NEB: variants seen among roughly 807,000 people sequenced by gnomAD.
NEB encodes nebulin.
A neutral mutation model predicts 952.2 loss-of-function variants in NEB; 512 were observed. The ratio of observed to expected loss-of-function variants is 0.54; its 90% confidence interval spans 0.50 to 0.58. NEB has a LOEUF of 0.58. Among genes scored for constraint, NEB ranks in the 20% least tolerant of loss-of-function variants. NEB has a pLI of 0.00. For synonymous variants in NEB, 2,900 were observed against 3,149.8 expected, an observed-to-expected ratio of 0.92 and a Z score of 2.66; for missense variants, 8,428 against 9,231.1, an observed-to-expected ratio of 0.91 and a Z score of 3.56.
rs1415688847 is a variant in NEB at position 151,620,343 on chromosome 2, GTGTGTATATATATATATATA to G, written c.10560+556_10560+575del. On this transcript the variant is annotated intron_variant, in intron 72 of 181. Coordinates refer to ENST00000397345, the MANE Select transcript of NEB (RefSeq NM_001164508.2). ...AATTTTATTATATATATATGTATGT[GTGTGTATATATATATATATA>G]TATATATATATATATATATATATAT... Among the ~76,000 whole-genome samples the G allele has an allele frequency of 3.6e-3, 176 of 48,898 alleles. 1 individual carries two copies. Among genetic ancestry groups the G allele is most frequent in the African/African-American group, 9.8e-3 (164 of 16,694 alleles). The allele number at this position is 48,898 out of a possible 152,430, so 32.1% of individuals were successfully genotyped here.
intron 67 of NEB, 132 bp downstream of exon 67, chr2:151,630,583 A>T (rs1268145054): frequency 1.5e-6 from 1 of 661,458 alleles, no homozygotes; most frequent in African/African-American, 1.8e-5. Context: ...TAACCCAGAG[A>T]TGAAAGGTTG....
chr2:151,533,382 C>T lies in NEB; in HGVS notation c.21417+60G>A, dbSNP rs1438147576. Reference sequence around the variant, plus strand: ...GGAAGAGGAAATCAATGAAAGCATACAAGGGAATGCATCCAAGACTTCTTC... The same window carrying T: ...GGAAGAGGAAATCAATGAAAGCATATAAGGGAATGCATCCAAGACTTCTTC... On this transcript the variant is annotated intron_variant, in intron 143 of 181. Transcript: ENST00000397345. The T allele has an allele frequency of 7.2e-6, 8 of 1,105,544 alleles. No individual in the cohort carries two copies. In the East Asian group the frequency reaches 1.0e-4, roughly 14 times the overall value. The allele number at this position is 1,105,544 out of a possible 1,614,324, so 68.5% of individuals were successfully genotyped here. A position where few individuals can be genotyped will look rare whatever the true frequency, so the allele number is the denominator to read the frequency against.
chr2:151,636,295 C>A lies in NEB; in HGVS notation c.9034G>T (p.Gly3012Cys), dbSNP rs1190663426. The change falls in exon 64 of 182, where the codon GGC (glycine) becomes TGC (cysteine). Residue 3012 changes from glycine to cysteine, a missense_variant. Transcript: ENST00000397345. ...ATGGCGTCGCTTCGCAAGTCATAGC[C>A]TTTCTTCTTTGCTTCTTCATTAGCA... ...KLANEEAKKK[G>C]YDLRSDAIPI... The A allele has an allele frequency of 6.2e-7, 1 of 1,609,124 alleles. No homozygotes were observed. Among genetic ancestry groups the A allele is most frequent in the Non-Finnish European group, 8.5e-7 (1 of 1,179,700 alleles).
intron 153 of NEB, among the ~76,000 whole-genome samples, chr2:151,520,302 T>G (rs2081046387): frequency 6.6e-6 from 1 of 152,162 alleles, no homozygotes; most frequent in Admixed American, 6.6e-5. Context: ...GTATAACTCC[T>G]GAGTAAACAA....
intron 13 of NEB, among the ~76,000 whole-genome samples, chr2:151,698,904 A>G (rs1455386894): frequency 6.8e-6 from 1 of 147,296 alleles, no homozygotes; most frequent in Non-Finnish European, 1.5e-5. Flanking sequence ...GTTTTAGGGT[A>G]CATGTGCACA....
chr2:151,697,054 C>T, intron 16 of NEB, 94 bp downstream of exon 16: 1 of 938,840 alleles, frequency 1.1e-6, no homozygotes, highest in Non-Finnish European at 1.6e-6. Context: ...GCCTGGCTTA[C>T]ATTTATTTGT....
Position 151,696,752 on chromosome 2 carries a change from G to A in NEB, c.1471-17C>T. ...GTAGGTGTGCTGTGGGGAAGCAAAGGCATTTGGTTTAGTAGTATCACCTGT... is the reference window on the plus strand; with the variant it reads ...GTAGGTGTGCTGTGGGGAAGCAAAGACATTTGGTTTAGTAGTATCACCTGT... On this transcript the variant is annotated splice_polypyrimidine_tract_variant and intron_variant, in intron 16 of 181. Transcript: ENST00000397345. 1.0e-5 allele frequency: 16 copies of A among 1,603,854 alleles called. No homozygotes were observed. Among genetic ancestry groups the A allele is most frequent in the Non-Finnish European group, 1.2e-5 (14 of 1,171,052 alleles).
chr2:151,488,677 C>A (rs914061018), intron 181 of NEB, among the ~76,000 whole-genome samples: 24 of 151,888 alleles, frequency 1.6e-4, no homozygotes, highest in East Asian at 5.8e-4. Context: ...CTGTATTATT[C>A]TTTGTACTTC....
chr2:151,627,591 C>T lies in NEB; in HGVS notation c.10075G>A (p.Glu3359Lys), dbSNP rs374359052. The T allele has an allele frequency of 2.5e-5, 40 of 1,613,908 alleles. 1 individual carries two copies. In the South Asian group the frequency reaches 3.1e-4, roughly 12 times the overall value. The change falls in exon 69 of 182, where the codon GAG becomes AAG. Residue 3359 changes from glutamate to lysine, a missense_variant. Physicochemically the swap from Glu to Lys is moderately conservative, Grantham distance 56. Around this residue, in one of 11 missense-constraint regions of NEB, gnomAD observed 1,772 missense variants for 1,960.3 expected, o/e 0.90. Transcript: ENST00000397345. ...TTCTGGTCGGGCAGGCACGTCCACT[C>T]GTGCAGGTAGTTCTTGTAGTCCACA... ...SDVDYKNYLH[E>K]WTCLPDQNDV...
At chr2:151,681,209 C>A (rs182755140) in intron 29 of NEB, among the ~76,000 whole-genome samples, 2 of 152,314 alleles carry the variant, frequency 1.3e-5, no homozygotes, top group East Asian at 3.9e-4. Context: ...ATGGCACAAA[C>A]AAGTTCTCTT....
At chr2:151,707,716 C>A (rs2099717228) in intron 12 of NEB, among the ~76,000 whole-genome samples, 1 of 152,122 alleles carries the variant, frequency 6.6e-6, no homozygotes, top group South Asian at 2.1e-4. Flanking sequence ...CCACCATGAT[C>A]CCCAGTGTAA....
At chr2:151,725,675 T>C in intron 5 of NEB, 115 bp from the exon 6 acceptor site, 4 of 787,372 alleles carry the variant, frequency 5.1e-6, no homozygotes, top group Non-Finnish European at 8.2e-6. Context: ...TCAATTATAA[T>C]AGCTTTCTTT....
intron 173 of NEB, among the ~76,000 whole-genome samples, chr2:151,495,619 G>A (rs946990707): frequency 6.6e-6 from 1 of 151,996 alleles, no homozygotes; most frequent in Admixed American, 6.6e-5. Flanking sequence ...AAGCTTACGG[G>A]AAATGGTTTA....
chr2:151,568,042 C>T (rs1485220114), intron 113 of NEB, 29 bp downstream of exon 113: 1 of 1,576,644 alleles, frequency 6.3e-7, no homozygotes, highest in Non-Finnish European at 8.7e-7. Context: ...CCCACTTTTG[C>T]AAAATGCACT....
rs756856551 is a variant in NEB at position 151,733,186 on chromosome 2, CTT to C, written c.-29-3_-29-2del. ...CCAGAGTAGTAGTGGCACCTACAAACTTTTCATATTCCATACAAATGAAAACA... is the reference window on the plus strand; with the variant it reads ...CCAGAGTAGTAGTGGCACCTACAAACTTCATATTCCATACAAATGAAAACA... On this transcript the variant is annotated splice_acceptor_variant and splice_polypyrimidine_tract_variant and intron_variant, in intron 2 of 181. Coordinates refer to ENST00000397345, the MANE Select transcript of NEB (RefSeq NM_001164508.2). LOFTEE classifies it low-confidence loss of function (5UTR_SPLICE). 2.1e-5 allele frequency: 33 copies of C among 1,589,234 alleles called. No homozygotes were observed. In the South Asian group the frequency reaches 2.8e-4, roughly 14 times the overall value.
Position 151,672,510 on chromosome 2 carries a change from G to A in NEB, c.4158C>T (p.Asp1386=), listed in dbSNP as rs558022715. 6.2e-7 allele frequency: 1 copy of A among 1,613,988 alleles called. No homozygotes were observed. Among genetic ancestry groups the A allele is most frequent in the African/African-American group, 1.3e-5 (1 of 75,042 alleles). ...NTKTSYHTPG[D]MVSITAAKMA... ...TCTTTGCAGCTGTGATGCTAACCAT[G>A]TCCCCAGGGGTATGGTAGCTGGTTT... Residue 1386 remains aspartate, a synonymous_variant, in exon 37 of 182, where the codon GAC becomes GAT. Transcript: ENST00000397345.
At position 151,656,025 on chromosome 2, in the gene NEB, T is replaced by C. The variant is rs2099082448; in HGVS notation, c.6496-2A>G. The C allele has an allele frequency of 6.2e-7, 1 of 1,611,246 alleles. No homozygotes were observed. Among genetic ancestry groups the C allele is most frequent in the Non-Finnish European group, 8.5e-7 (1 of 1,177,860 alleles). On this transcript the variant is annotated splice_acceptor_variant, in intron 49 of 181. Transcript: ENST00000397345. LOFTEE classifies it high-confidence loss of function. Reference sequence around the variant, plus strand: ...ATTGTAATCTTGCTTATATTCATTCTATAAAGAAGATAAGCAAATTCTACT... The same window carrying C: ...ATTGTAATCTTGCTTATATTCATTCCATAAAGAAGATAAGCAAATTCTACT...
At position 151,694,359 on chromosome 2, in the gene NEB, C is replaced by A. The variant is rs764825407; in HGVS notation, c.1860G>T (p.Met620Ile). 1 of 1,614,052 alleles carries A rather than the reference C, an allele frequency of 6.2e-7. No homozygotes were observed. Among genetic ancestry groups the A allele is most frequent in the South Asian group, 1.1e-5 (1 of 91,080 alleles). ...TTTTGGCCACCTTCAAGGAGTGCAGCATCTTGGGATCGTCATTAATGCTGA... is the reference window on the plus strand; with the variant it reads ...TTTTGGCCACCTTCAAGGAGTGCAGAATCTTGGGATCGTCATTAATGCTGA... The part of the protein sequence containing the change: ...GVLSINDDPK[M>I]LHSLKVAKNQ... Residue 620 changes from methionine (M) to isoleucine (I), a missense_variant, in exon 20 of 182, where the codon ATG (methionine) becomes ATT (isoleucine). This residue lies in a region of NEB where 2,851 missense variants were observed against 2,791.5 expected (regional missense o/e 1.02). Transcript: ENST00000397345.
At chr2:151,633,358 A>G (rs574922237) in intron 65 of NEB, among the ~76,000 whole-genome samples, 1 of 148,330 alleles carries the variant, frequency 6.7e-6, no homozygotes, top group Admixed American at 7.1e-5. Context: ...TTTTAAAGTA[A>G]AAACGTTTCT....
Sources: gnomAD v4.1 joint callset for allele counts (sites outside exome capture counted in the v4.1 genomes callset) on GRCh38, gnomAD v4.1.1 for gene constraint, gnomAD v4.1.1 regional missense constraint, MANE v1.5 for transcripts, NCBI Gene and HGNC (gene_info 2026-07-23, HGNC 2026-07-21) for gene names.